Variants in NLGN4X observed in about 807,000 individuals in gnomAD.
NLGN4X encodes neuroligin 4 X-linked.
A neutral mutation model predicts 40.3 loss-of-function variants in NLGN4X; 3 were observed. The observed-to-expected ratio is 0.07, with a 90% CI of 0.03 to 0.19. The LOEUF is 0.19. Ranked by LOEUF, NLGN4X falls within the 10% of genes least tolerant of loss-of-function variation. The pLI is 1.00. For missense variants in NLGN4X, 382 were observed against 708.3 expected, an observed-to-expected ratio of 0.54 and a Z score of 5.23; for synonymous variants, 270 against 306.8, an observed-to-expected ratio of 0.88 and a Z score of 1.25.
intron 2 of NLGN4X, among the ~76,000 whole-genome samples, chrX:6,074,772 C>T (rs1329909998): frequency 1.8e-5 from 2 of 111,023 alleles, no homozygotes; most frequent in African/African-American, 3.3e-5. Context: ...CTTTGCATAT[C>T]TGAGTTCGTG....
At chrX:5,900,555 T>C (rs5915620) in intron 5 of NLGN4X, among the ~76,000 whole-genome samples, 34,641 of 86,765 alleles carry the variant, frequency 0.4, 6,399 homozygotes, top group African/African-American at 0.6. Flanking sequence ...ACACCGTTTT[T>C]GGTGCTTTTT....
chrX:5,998,213 C>G (rs1035861878), intron 3 of NLGN4X, among the ~76,000 whole-genome samples: 5 of 109,904 alleles, frequency 4.5e-5, no homozygotes, highest in Non-Finnish European at 1.9e-5. Context: ...AGTTCAAGAC[C>G]AGCCAGGCCA....
chrX:6,052,835 G>A (rs1005487118), intron 2 of NLGN4X, among the ~76,000 whole-genome samples: 3 of 112,654 alleles, frequency 2.7e-5, no homozygotes, highest in Non-Finnish European at 3.7e-5. Context: ...TTCCATAGAA[G>A]CTTCTGACAT....
intron 3 of NLGN4X, among the ~76,000 whole-genome samples, chrX:5,982,704 A>C (rs2035423044): frequency 8.9e-6 from 1 of 111,778 alleles, no homozygotes; most frequent in African/African-American, 3.3e-5. Context: ...AAAATTTTTT[A>C]AAAAGTGGCC....
At chrX:6,014,263 T>A (rs1382501600) in intron 3 of NLGN4X, among the ~76,000 whole-genome samples, 1 of 111,256 alleles carries the variant, frequency 9.0e-6, no homozygotes, top group African/African-American at 3.3e-5. Flanking sequence ...GTAATCATAA[T>A]GTTTTTTGTT....
intron 3 of NLGN4X, among the ~76,000 whole-genome samples, chrX:5,910,405 A>G (rs911519426): frequency 3.6e-5 from 4 of 110,491 alleles, no homozygotes; most frequent in Middle Eastern, 9.2e-3. Flanking sequence ...CTTCTATACA[A>G]TTTCTTTTTT....
At chrX:6,204,753 A>G (rs1412742124) in intron 1 of NLGN4X, among the ~76,000 whole-genome samples, 1 of 111,676 alleles carries the variant, frequency 9.0e-6, no homozygotes, top group African/African-American at 3.3e-5. Flanking sequence ...TGCCTTTAAC[A>G]AGACCTCTAG....
At chrX:6,078,211 G>T (rs1191366228) in intron 2 of NLGN4X, among the ~76,000 whole-genome samples, 2 of 111,528 alleles carry the variant, frequency 1.8e-5, no homozygotes, top group Non-Finnish European at 3.8e-5. Flanking sequence ...TGTCCTTCAT[G>T]CATTTGATCA....
chrX:5,988,161 G>A (rs2035580911), intron 3 of NLGN4X, among the ~76,000 whole-genome samples: 1 of 112,149 alleles, frequency 8.9e-6, no homozygotes, highest in Non-Finnish European at 1.9e-5. Flanking sequence ...CTTCCGTACA[G>A]TAGCAGCAGC....
intron 3 of NLGN4X, among the ~76,000 whole-genome samples, chrX:6,024,041 T>C (rs919967746): frequency 2.7e-5 from 3 of 111,320 alleles, no homozygotes; most frequent in Admixed American, 9.5e-5. Context: ...TATACTAAAG[T>C]AAGGAACTAA....
chrX:5,913,037 G>A (rs1187945654), intron 3 of NLGN4X, among the ~76,000 whole-genome samples: 4 of 69,354 alleles, frequency 5.8e-5, no homozygotes, highest in African/African-American at 1.3e-4. Context: ...TAAGGAAGGT[G>A]GGAGGGAGGG....
rs185903418 is a variant in NLGN4X at position 6,019,062 on chromosome X, G to A, written c.625+10218C>T. ...CATATATTTATATCGCTAAATGCAG[G>A]GTGTACCTGCCATAATTTGGTTATA... On this transcript the variant is annotated intron_variant, in intron 3 of 5. Transcript: ENST00000381095. Among the ~76,000 whole-genome samples, 75 of 111,866 alleles carry A rather than the reference G, an allele frequency of 6.7e-4. 1 individual carries two copies. Among genetic ancestry groups the A allele is most frequent in the Middle Eastern group, 4.7e-3 (1 of 214 alleles).
At chrX:5,931,716 T>G (rs2033550501) in intron 3 of NLGN4X, among the ~76,000 whole-genome samples, 1 of 111,559 alleles carries the variant, frequency 9.0e-6, no homozygotes, top group Non-Finnish European at 1.9e-5. Context: ...CACAGAAATC[T>G]ACTTTTGAAA....
chrX:6,046,413 G>A (rs890623669), intron 2 of NLGN4X, among the ~76,000 whole-genome samples: 3 of 111,215 alleles, frequency 2.7e-5, no homozygotes, highest in Non-Finnish European at 5.7e-5. Context: ...TCCCACTAGT[G>A]ATAATTTGAA....
chrX:6,200,687 C>CTTTTTTTTTTTCTT (rs1556005144), intron 1 of NLGN4X, among the ~76,000 whole-genome samples: 6,488 of 55,508 alleles, frequency 0.12, 707 homozygotes, highest in Non-Finnish European at 0.14. Context: ...CTTTCCTTTT[C>CTTTTTTTTTTTCTT]TTTTTTTTTT....
rs3723 is a variant in NLGN4X at position 5,890,415 on chromosome X, C to T, written c.*2402G>A. The T allele has an allele frequency of 7.1e-4, 176 of 246,595 alleles. 1 individual carries two copies. The highest frequency in any genetic ancestry group is 2.8e-3 in the Middle Eastern group (2 of 711). 20.3% of individuals were successfully genotyped at this position (246,595 alleles called of 1,213,427 possible). On this transcript the variant is annotated 3_prime_UTR_variant, in exon 6 of 6. Coordinates refer to ENST00000381095, the MANE Select transcript of NLGN4X (RefSeq NM_181332.3). The stretch of plus-strand genomic sequence containing the variant: ...CCCCTGTAAAAGCTAAAGTTATTCA[C>T]TTAACAGGAACTCTGTTTTTCCTTA...
intron 1 of NLGN4X, among the ~76,000 whole-genome samples, chrX:6,160,959 A>G (rs1333462908): frequency 9.9e-6 from 1 of 101,483 alleles, no homozygotes; most frequent in East Asian, 3.0e-4. Context: ...AATAAAATAT[A>G]AATAAAATAT....
intron 3 of NLGN4X, among the ~76,000 whole-genome samples, chrX:5,919,195 C>T (rs1415457319): frequency 9.1e-6 from 1 of 110,447 alleles, no homozygotes; most frequent in Non-Finnish European, 1.9e-5. Context: ...ATCTCACAAA[C>T]CTTTATAGGC....
At chrX:5,903,033 C>G in intron 5 of NLGN4X, 44 bp downstream of exon 5, 1 of 1,202,604 alleles carries the variant, frequency 8.3e-7, no homozygotes, top group Non-Finnish European at 1.1e-6. Flanking sequence ...AGGACACAAA[C>G]AAGTGGCAAG....
Sources: allele counts gnomAD v4.1 joint callset (sites outside exome capture counted in the v4.1 genomes callset), GRCh38; gene constraint gnomAD v4.1.1; transcripts MANE v1.5; gene names NCBI Gene and HGNC (gene_info 2026-07-23, HGNC 2026-07-21).